SLCO3A1: variants seen among roughly 807,000 people sequenced by gnomAD.
SLCO3A1 encodes PGE1 transporter.
Under a neutral mutation model 63.1 loss-of-function variants are expected in SLCO3A1, and 27 were observed. That is an observed-to-expected ratio of 0.43 (90% CI 0.32 to 0.59). The LOEUF is 0.59. Among genes scored for constraint, SLCO3A1 ranks in the 20% least tolerant of loss-of-function variants. The pLI, the probability that SLCO3A1 is intolerant of heterozygous loss-of-function variation, is 0.09. For synonymous variants in SLCO3A1, 473 were observed against 409.9 expected, an observed-to-expected ratio of 1.15 and a Z score of -1.86; for missense variants, 773 against 945.8, an observed-to-expected ratio of 0.82 and a Z score of 2.40.
chr15:92,126,804 C>G lies in SLCO3A1; in HGVS notation c.1373+545C>G, dbSNP rs367625822. 3.9e-5 allele frequency among the ~76,000 whole-genome samples: 6 copies of G among 152,258 alleles called. 1 individual carries two copies. Among genetic ancestry groups the G allele is most frequent in the Admixed American group, 6.5e-5 (1 of 15,290 alleles). ...TTATCCCAAGACTTGGGACTAGAGT[C>G]CAGTGAGAATTGCCCTTAGAGGGAA... On this transcript the variant is annotated intron_variant, in intron 6 of 9. Transcript: ENST00000318445.
In SLCO3A1 at chr15:92,150,949, G is replaced by A. The variant is rs1490663622; in HGVS notation, c.1689-1G>A. The A allele has an allele frequency of 6.2e-7, 1 of 1,608,452 alleles. No homozygotes were observed. The highest frequency in any genetic ancestry group is 2.2e-5 in the East Asian group (1 of 44,792). On this transcript the variant is annotated splice_acceptor_variant, in intron 8 of 9. Coordinates refer to ENST00000318445, the MANE Select transcript of SLCO3A1 (RefSeq NM_013272.4). LOFTEE classifies it high-confidence loss of function. Reference sequence around the variant, plus strand: ...TTTTCTCTTCATCTCTTTGCACGTAGGACAGTCAGCCCTGAACTCAAGTCT... The same window carrying A: ...TTTTCTCTTCATCTCTTTGCACGTAAGACAGTCAGCCCTGAACTCAAGTCT...
chr15:92,160,610 A>G (rs2048423951), intron 9 of SLCO3A1, among the ~76,000 whole-genome samples: 3 of 152,192 alleles, frequency 2.0e-5, no homozygotes, highest in Non-Finnish European at 4.4e-5. Context: ...GGGAAGTTTA[A>G]TGAGATTTCA....
intron 2 of SLCO3A1, among the ~76,000 whole-genome samples, chr15:91,998,459 TA>T (rs1190753127): frequency 5.6e-5 from 8 of 142,614 alleles, no homozygotes; most frequent in Non-Finnish European, 1.2e-4. Context: ...GCCTCAAAAA[TA>T]AAAAAAAAAG....
chr15:91,975,650 A>G (rs1253648991), intron 2 of SLCO3A1, among the ~76,000 whole-genome samples: 2 of 152,234 alleles, frequency 1.3e-5, no homozygotes, highest in Admixed American at 6.5e-5. Flanking sequence ...AGCTGCATCC[A>G]GGTACAACCT....
chr15:92,116,404 C>T (rs186904811), intron 4 of SLCO3A1, among the ~76,000 whole-genome samples: 4 of 152,326 alleles, frequency 2.6e-5, no homozygotes, highest in Admixed American at 1.3e-4. Flanking sequence ...TGTCATCTTG[C>T]TGGTGACAGT....
chr15:92,013,105 G>A (rs1310350015), intron 2 of SLCO3A1, among the ~76,000 whole-genome samples: 1 of 152,214 alleles, frequency 6.6e-6, no homozygotes, highest in Non-Finnish European at 1.5e-5. Context: ...AAGAAAGGAA[G>A]CCTGTGTGCA....
downstream of SLCO3A1, among the ~76,000 whole-genome samples, chr15:92,170,003 A>T (rs969836573): frequency 1.3e-5 from 2 of 152,318 alleles, no homozygotes; most frequent in East Asian, 3.9e-4. Flanking sequence ...GTCCCGTAAG[A>T]TACAATTGAT....
intron 1 of SLCO3A1, among the ~76,000 whole-genome samples, chr15:91,864,865 T>G (rs915723215): frequency 5.9e-5 from 9 of 152,152 alleles, no homozygotes; most frequent in Non-Finnish European, 1.2e-4. Flanking sequence ...GTCCTGGTTG[T>G]TTGTTTTCTT....
chr15:92,042,640 G>A (rs755459384), intron 2 of SLCO3A1, among the ~76,000 whole-genome samples: 1 of 152,136 alleles, frequency 6.6e-6, no homozygotes, highest in Non-Finnish European at 1.5e-5. Flanking sequence ...TGGAGGTGGA[G>A]GTCTGAGAAG....
chr15:92,067,524 T>C (rs139411070), intron 2 of SLCO3A1, among the ~76,000 whole-genome samples: 3 of 152,364 alleles, frequency 2.0e-5, no homozygotes, highest in African/African-American at 7.2e-5. Flanking sequence ...CTAGACTTCT[T>C]ACACATTCAC....
chr15:92,133,201 C>A (rs1248401757), intron 7 of SLCO3A1, among the ~76,000 whole-genome samples: 1 of 146,160 alleles, frequency 6.8e-6, no homozygotes, highest in Non-Finnish European at 1.5e-5. Context: ...TGCCACATGT[C>A]CCTCGGGGGA....
chr15:91,925,425 C>T (rs1254114219), intron 2 of SLCO3A1, among the ~76,000 whole-genome samples: 6 of 150,952 alleles, frequency 4.0e-5, no homozygotes, highest in African/African-American at 1.2e-4. Flanking sequence ...AAATGCCTCA[C>T]AGAAGAGTCT....
chr15:92,080,994 C>A (rs1050839216), intron 2 of SLCO3A1, among the ~76,000 whole-genome samples: 1 of 112,154 alleles, frequency 8.9e-6, no homozygotes, highest in Non-Finnish European at 1.9e-5. Context: ...GTATGGGGTA[C>A]GTGAGATTTT....
Position 92,016,254 on chromosome 15 carries a change from T to TAGATTGATTAGATAGA in SLCO3A1, c.647-78627_647-78626insAGATTGATTAGATAGA. Among the ~76,000 whole-genome samples the TAGATTGATTAGATAGA allele has an allele frequency of 3.3e-3, 312 of 95,700 alleles. 2 individuals are homozygous for TAGATTGATTAGATAGA. The highest frequency in any genetic ancestry group is 4.5e-3 in the Non-Finnish European group (207 of 46,494). 62.8% of individuals were successfully genotyped at this position (95,700 alleles called of 152,430 possible). On this transcript the variant is annotated intron_variant, in intron 2 of 9. Coordinates refer to ENST00000318445, the MANE Select transcript of SLCO3A1 (RefSeq NM_013272.4). The stretch of plus-strand genomic sequence containing the variant: ...ATAGATAGATAGATAGATAGATAGA[T>TAGATTGATTAGATAGA]TAGATAGATAGATAGATAGATAGAT...
At chr15:92,022,560 A>G (rs1364273645) in intron 2 of SLCO3A1, among the ~76,000 whole-genome samples, 2 of 152,220 alleles carry the variant, frequency 1.3e-5, no homozygotes, top group African/African-American at 2.4e-5. Flanking sequence ...GTGAGAGAAG[A>G]CAGAAAGCTA....
chr15:92,145,190 G>A (rs750643518), intron 7 of SLCO3A1, among the ~76,000 whole-genome samples: 9 of 152,302 alleles, frequency 5.9e-5, no homozygotes, highest in East Asian at 1.9e-4. Context: ...GGATTCATGC[G>A]TGTGGAAACA....
At chr15:92,059,459 G>C (rs1255431809) in intron 2 of SLCO3A1, among the ~76,000 whole-genome samples, 1 of 152,166 alleles carries the variant, frequency 6.6e-6, no homozygotes, top group South Asian at 2.1e-4. Context: ...CGTCACCCTT[G>C]TCCAGCACTT....
At chr15:92,154,409 T>C (rs2048345967) in intron 9 of SLCO3A1, among the ~76,000 whole-genome samples, 1 of 152,228 alleles carries the variant, frequency 6.6e-6, no homozygotes, top group South Asian at 2.1e-4. Context: ...TCTCTGTCTG[T>C]ACCACAGGTG....
In SLCO3A1 at chr15:92,150,845, A is replaced by G. The variant is rs2048295605; in HGVS notation, c.1689-105A>G. On this transcript the variant is annotated intron_variant, in intron 8 of 9. Transcript: ENST00000318445. ...AAAAAGACACTATTAGTAATTTTCT[A>G]AAGAAGAGCTCTGATGGACAGCAGC... is the stretch of plus-strand genomic sequence containing the variant. 9 of 703,796 alleles carry G rather than the reference A, an allele frequency of 1.3e-5. No individual in the cohort carries two copies. In the Admixed American group the frequency reaches 2.4e-4, roughly 19 times the overall value. The allele number at this position is 703,796 out of a possible 1,614,324, so 43.6% of individuals were successfully genotyped here. A position where few individuals can be genotyped will look rare whatever the true frequency, so the allele number is the denominator to read the frequency against.
Sources: gnomAD v4.1 joint callset for allele counts (sites outside exome capture counted in the v4.1 genomes callset) on GRCh38, gnomAD v4.1.1 for gene constraint, MANE v1.5 for transcripts, NCBI Gene and HGNC (gene_info 2026-07-23, HGNC 2026-07-21) for gene names.